The following CWC27 variants were observed in gnomAD, a reference collection of about 807,000 sequenced individuals.
The protein encoded by CWC27 is spliceosome-associated protein CWC27 homolog.
CWC27 carries 47 observed loss-of-function variants against 63.6 expected under a neutral mutation model. The ratio of observed to expected loss-of-function variants is 0.74; its 90% CI spans 0.58 to 0.94. CWC27 has a LOEUF of 0.94. Among genes scored for constraint, CWC27 ranks in the 40% least tolerant of loss-of-function variants. The pLI is 0.00. For synonymous variants in CWC27, 175 were observed against 179.8 expected (o/e 0.97, Z 0.22); for missense variants, 495 against 554.3 (o/e 0.89, Z 1.07).
intron 13 of CWC27, among the ~76,000 whole-genome samples, chr5:64,989,671 T>G (rs1228926507): frequency 6.6e-6 from 1 of 152,178 alleles, no homozygotes; most frequent in Non-Finnish European, 1.5e-5. Flanking sequence ...CAGGATCTCT[T>G]AACAGCCTTC....
In CWC27 at chr5:64,840,905, G is replaced by A. The variant is rs572221247; in HGVS notation, c.938+36519G>A. On this transcript the variant is annotated intron_variant, in intron 10 of 13. Coordinates refer to ENST00000381070, the MANE Select transcript of CWC27 (RefSeq NM_005869.4). ...AGAAATTTGAGAGCTTTGTAAGGGAGAATTGACAGGATGTGGGGACTGACA... is the reference window on the plus strand; with the variant it reads ...AGAAATTTGAGAGCTTTGTAAGGGAAAATTGACAGGATGTGGGGACTGACA... Among the ~76,000 whole-genome samples, 123 of 152,282 alleles carry A rather than the reference G, an allele frequency of 8.1e-4. 1 individual carries two copies. Among genetic ancestry groups the A allele is most frequent in the African/African-American group, 2.8e-3 (118 of 41,556 alleles).
chr5:64,825,691 TTGTC>T, intron 10 of CWC27, among the ~76,000 whole-genome samples: 2 of 152,330 alleles, frequency 1.3e-5, no homozygotes, highest in Admixed American at 1.3e-4. Flanking sequence ...CAGCACTGCT[TTGTC>T]TGCATCTCAC....
At chr5:64,865,947 G>A (rs920790045) in intron 10 of CWC27, among the ~76,000 whole-genome samples, 1 of 151,974 alleles carries the variant, frequency 6.6e-6, no homozygotes, top group African/African-American at 2.4e-5. Flanking sequence ...TGCCTTACAA[G>A]AAAATGAATC....
chr5:64,844,953 C>T (rs1297836879), intron 10 of CWC27: 1 of 456,730 alleles, frequency 2.2e-6, no homozygotes, highest in Middle Eastern at 3.3e-4. Context: ...TGGAGCCCAG[C>T]CTACAGCCCG....
chr5:64,885,183 A>G (rs1487536076), intron 10 of CWC27, among the ~76,000 whole-genome samples: 1 of 152,112 alleles, frequency 6.6e-6, no homozygotes, highest in Admixed American at 6.6e-5. Context: ...GTGAATTAGG[A>G]AGATAATGGG....
chr5:64,844,630 C>G (rs1464052208), intron 10 of CWC27, among the ~76,000 whole-genome samples: 1 of 152,210 alleles, frequency 6.6e-6, no homozygotes, highest in Non-Finnish European at 1.5e-5. Flanking sequence ...GGCAGAGAGA[C>G]TCTCCACCTT....
At chr5:64,920,080 C>G (rs1295249099) in intron 11 of CWC27, among the ~76,000 whole-genome samples, 1 of 152,180 alleles carries the variant, frequency 6.6e-6, no homozygotes, top group Non-Finnish European at 1.5e-5. Context: ...ATTCTTCCAC[C>G]TCAGCCTTCC....
chr5:64,931,360 G>T (rs977188154), intron 11 of CWC27, among the ~76,000 whole-genome samples: 1 of 151,792 alleles, frequency 6.6e-6, no homozygotes, highest in South Asian at 2.1e-4. Flanking sequence ...TAGGTAGAAA[G>T]ATATGAGTTT....
intron 6 of CWC27, 29 bp from the exon 7 acceptor site, chr5:64,788,922 T>C (rs759776635): frequency 3.2e-5 from 48 of 1,481,336 alleles, no homozygotes; most frequent in Non-Finnish European, 4.3e-5. Flanking sequence ...TCTCTTTCTT[T>C]TTTTTTTTCT....
chr5:64,896,548 G>A (rs917215465), intron 11 of CWC27, among the ~76,000 whole-genome samples: 4 of 151,740 alleles, frequency 2.6e-5, no homozygotes, highest in Admixed American at 6.6e-5. Flanking sequence ...TTGGGAAGAA[G>A]GTAAAGACAC....
At position 64,783,667 on chromosome 5, in the gene CWC27, G is replaced by A. The variant is rs1004730658; in HGVS notation, c.253-169G>A. Among the ~76,000 whole-genome samples, 41 of 152,176 alleles carry A rather than the reference G, an allele frequency of 2.7e-4. 1 individual carries two copies. Among genetic ancestry groups the A allele is most frequent in the East Asian group, 1.9e-4 (1 of 5,204 alleles). ...GTATATTTAGAAGATACAGTCTAGT[G>A]AATTCAAGTTTAATAACATTGAAAG... On this transcript the variant is annotated intron_variant, in intron 3 of 13. Coordinates refer to ENST00000381070, the MANE Select transcript of CWC27 (RefSeq NM_005869.4).
intron 13 of CWC27, among the ~76,000 whole-genome samples, chr5:64,979,476 C>G (rs540455343): frequency 6.6e-6 from 1 of 152,250 alleles, no homozygotes; most frequent in African/African-American, 2.4e-5. Context: ...GATTTTGTAA[C>G]CTGATAAGCA....
chr5:64,966,318 C>T (rs1004267045), intron 11 of CWC27, among the ~76,000 whole-genome samples: 1 of 152,012 alleles, frequency 6.6e-6, no homozygotes, highest in Non-Finnish European at 1.5e-5. Context: ...CTGTGATATC[C>T]TTTGAAAGCT....
At chr5:65,014,659 T>C (rs1049123148) in intron 13 of CWC27, among the ~76,000 whole-genome samples, 7 of 152,066 alleles carry the variant, frequency 4.6e-5, no homozygotes, top group African/African-American at 1.7e-4. Flanking sequence ...TCAAATTGAG[T>C]CCGTATTCTA....
At chr5:64,962,081 G>T (rs1195616611) in intron 11 of CWC27, among the ~76,000 whole-genome samples, 3 of 152,128 alleles carry the variant, frequency 2.0e-5, no homozygotes, top group Non-Finnish European at 2.9e-5. Context: ...AATGTCTTGT[G>T]TATTTTATTA....
intron 11 of CWC27, among the ~76,000 whole-genome samples, chr5:64,919,735 C>G (rs568010873): frequency 6.6e-6 from 1 of 152,306 alleles, no homozygotes; most frequent in Admixed American, 6.5e-5. Context: ...ATGTACCACA[C>G]TTTCTAAATA....
intron 13 of CWC27, among the ~76,000 whole-genome samples, chr5:64,983,028 G>C (rs1045183862): frequency 2.6e-5 from 4 of 152,102 alleles, no homozygotes; most frequent in Admixed American, 6.5e-5. Flanking sequence ...GTCTGAAACA[G>C]AACAGTTTCA....
Position 64,937,521 on chromosome 5 carries a change from T to A in CWC27, c.1043-34182T>A, listed in dbSNP as rs377323606. On this transcript the variant is annotated intron_variant, in intron 11 of 13. Transcript: ENST00000381070. ...GAGCATTTTAGTTCCAGTTATATGG[T>A]AAATTTTAGAATAAGTGTGATGTGG... 2.6e-5 allele frequency among the ~76,000 whole-genome samples: 4 copies of A among 152,186 alleles called. No homozygotes were observed. The South Asian group carries it at 8.3e-4, about 32-fold the overall frequency.
chr5:64,862,936 A>AT (rs1410802175), intron 10 of CWC27, among the ~76,000 whole-genome samples: 1 of 152,130 alleles, frequency 6.6e-6, no homozygotes, highest in Non-Finnish European at 1.5e-5. Context: ...CCTTTCTGGG[A>AT]TTTTTTATAA....
Sources: gnomAD v4.1 joint callset for allele counts (sites outside exome capture counted in the v4.1 genomes callset) on GRCh38, gnomAD v4.1.1 for gene constraint, MANE v1.5 for transcripts, NCBI Gene and HGNC (gene_info 2026-07-23, HGNC 2026-07-21) for gene names.